RHBDL1: variants seen among roughly 807,000 people sequenced by gnomAD.
RHBDL1 encodes the protein rhomboid like 1, also known as rhomboid-related protein 1.
A neutral mutation model predicts 34.0 loss-of-function variants in RHBDL1; 21 were observed. The ratio of observed to expected loss-of-function variants is 0.62; its 90% confidence interval spans 0.44 to 0.89. The LOEUF (loss-of-function observed/expected upper bound fraction) is 0.89, where lower values mean the gene tolerates loss of function less well. Ranked by LOEUF, RHBDL1 falls within the 40% of genes least tolerant of loss-of-function variation. The probability of loss-of-function intolerance (pLI) is 0.00; values close to 1 mark genes in which losing one functional copy is unlikely to be tolerated. For synonymous variants in RHBDL1, 268 were observed against 234.8 expected (o/e 1.14, Z -1.29); for missense variants, 450 against 530.6 (o/e 0.85, Z 1.49).
At position 677,579 on chromosome 16, in the gene RHBDL1, G is replaced by C. The variant is rs773980193; in HGVS notation, c.789+20G>C. ...GTCATGGTAACGGGCCTGCCCGGTG[G>C]GGGGCGTGGGGAGGGGCCCCAGGTG... On this transcript the variant is annotated intron_variant, in intron 6 of 7. Coordinates refer to ENST00000352681, the MANE Select transcript of RHBDL1 (RefSeq NM_001278720.2). 6.2e-7 allele frequency: 1 copy of C among 1,607,542 alleles called. No individual in the cohort carries two copies. Among genetic ancestry groups the C allele is most frequent in the African/African-American group, 1.3e-5 (1 of 74,854 alleles).
chr16:677,839 G>C lies in RHBDL1; in HGVS notation c.909G>C (p.Ser303=), dbSNP rs776299686. ...GCTTCTCCCCGCCGCTGCCCGCCTC[G>C]GGCCCACAGCCCAGCTTCATGGCGC... The part of the protein sequence containing the change: ...WLRFSPPLPA[S]GPQPSFMAHL... Residue 303 remains serine (S), a synonymous_variant, in exon 8 of 8, where the codon TCG becomes TCC. Transcript: ENST00000352681. 2 of 1,587,122 alleles carry C rather than the reference G, an allele frequency of 1.3e-6. No homozygotes were observed. The highest frequency in any genetic ancestry group is 1.7e-6 in the Non-Finnish European group (2 of 1,172,230).
chr16:676,006 T>C lies in RHBDL1; in HGVS notation c.39+177T>C, dbSNP rs2039528968. The C allele has an allele frequency of 1.5e-6, 2 of 1,308,230 alleles. No homozygotes were observed. Among genetic ancestry groups the C allele is most frequent in the East Asian group, 3.5e-5 (1 of 28,328 alleles). The allele number at this position is 1,308,230 out of a possible 1,614,324, so 81.0% of individuals were successfully genotyped here. On this transcript the variant is annotated intron_variant, in intron 1 of 7. Coordinates refer to ENST00000352681, the MANE Select transcript of RHBDL1 (RefSeq NM_001278720.2). The surrounding 1 kb of genome is among the most constrained non-coding windows in gnomAD (Gnocchi z 6.9). The stretch of plus-strand genomic sequence containing the variant: ...AGGAGAGGACTGACTGGACCAGAGC[T>C]CCTGGCTGGAGAAGGGAGAGTCGGG...
Position 677,295 on chromosome 16 carries a change from A to T in RHBDL1, c.595A>T (p.Asn199Tyr). The stretch of plus-strand genomic sequence containing the variant: ...GGCCAGGCTGGAGCAGCTGGGGTTC[A>T]ACGCCCTCCTGCAGCTGATGATCGG... ...MHVGLEQLGF[N>Y]ALLQLMIGVP... The change falls in exon 5 of 8, where the codon AAC becomes TAC. Residue 199 changes from asparagine (N) to tyrosine (Y), a missense_variant. Transcript: ENST00000352681. The T allele has an allele frequency of 1.3e-6, 2 of 1,568,232 alleles. No homozygotes were observed. The highest frequency in any genetic ancestry group is 1.7e-6 in the Non-Finnish European group (2 of 1,157,354).
chr16:677,999 T>G lies in RHBDL1; in HGVS notation c.1069T>G (p.Trp357Gly). ...CACCTTCCTGCTCTTCGCCGTCTTC[T>G]GGAACGTCTTCGCCTACGACCTGCT... is the stretch of plus-strand genomic sequence containing the variant. Reference protein sequence around the residue: ...YGTFLLFAVFWNVFAYDLLGA... With the variant: ...YGTFLLFAVFGNVFAYDLLGA... The change falls in exon 8 of 8, where the codon TGG (tryptophan) becomes GGG (glycine). Residue 357 changes from tryptophan (W) to glycine (G), a missense_variant. Coordinates refer to ENST00000352681, the MANE Select transcript of RHBDL1 (RefSeq NM_001278720.2). 6.3e-7 allele frequency: 1 copy of G among 1,598,022 alleles called. No individual in the cohort carries two copies. Among genetic ancestry groups the G allele is most frequent in the Non-Finnish European group, 8.5e-7 (1 of 1,178,216 alleles).
rs200103024 is a variant in RHBDL1 at position 676,347 on chromosome 16, C to T, written c.51C>T (p.Pro17=). The T allele has an allele frequency of 5.8e-5, 94 of 1,610,398 alleles. No individual in the cohort carries two copies. The African/African-American group carries it at 7.7e-4, about 13-fold the overall frequency. ...LQLIQEQQLD[P]ENTGFIGADT... is the part of the protein sequence containing the mutation. The stretch of plus-strand genomic sequence containing the variant: ...GCTCCTCACTGCAGCAGCTGGACCC[C>T]GAGAACACAGGCTTCATCGGTGCGG... Residue 17 remains proline (P), a synonymous_variant, in exon 2 of 8, where the codon CCC becomes CCT. Coordinates refer to ENST00000352681, the MANE Select transcript of RHBDL1 (RefSeq NM_001278720.2). This position sits in a 1 kb window ranked among gnomAD's most constrained non-coding sequence, Gnocchi z 6.9.
At chr16:677,192 G>C in intron 4 of RHBDL1, 73 bp downstream of exon 4, 3 of 1,575,760 alleles carry the variant, frequency 1.9e-6, no homozygotes, top group Non-Finnish European at 2.6e-6. Flanking sequence ...CCGCAAGGCA[G>C]GTGCGGCAAC....
chr16:677,409 C>CGCCCCCT, intron 5 of RHBDL1, 21 bp downstream of exon 5: 1 of 1,569,970 alleles, frequency 6.4e-7, no homozygotes, highest in South Asian at 1.2e-5. Context: ...CGCGCACCCC[C>CGCCCCCT]GCCCCCTGCC....
rs540907306 is a variant in RHBDL1, at chr16:677,409, C to T, written c.688+21C>T. ...GGCAGGTGAGGCAGGCGCGCACCCC[C>T]GCCCCCTGCCCTGGCCGGCTGCACC... On this transcript the variant is annotated intron_variant, in intron 5 of 7. Transcript: ENST00000352681. 1.9e-4 allele frequency: 296 copies of T among 1,569,970 alleles called. 1 individual carries two copies. In the South Asian group the frequency reaches 2.5e-3, roughly 13 times the overall value.
rs538821730 is a variant in RHBDL1 at position 678,236 on chromosome 16, T to G, written c.*184T>G. ...ACTCCCAGGACTTGCGGTCTGAGCC[T>G]TTTTGGATAATTAATAAATATTTTA... is the stretch of plus-strand genomic sequence containing the variant. On this transcript the variant is annotated 3_prime_UTR_variant, in exon 8 of 8. Coordinates refer to ENST00000352681, the MANE Select transcript of RHBDL1 (RefSeq NM_001278720.2). 9.6e-4 allele frequency: 1,307 copies of G among 1,359,788 alleles called. 2 individuals carry two copies. The highest frequency in any genetic ancestry group is 1.2e-3 in the Non-Finnish European group (1,260 of 1,061,414). The allele number at this position is 1,359,788 out of a possible 1,614,324, so 84.2% of individuals were successfully genotyped here.
At position 678,111 on chromosome 16, in the gene RHBDL1, G is replaced by C; in HGVS notation, c.*59G>C. On this transcript the variant is annotated 3_prime_UTR_variant, in exon 8 of 8. Transcript: ENST00000352681. ...GGCATGTGGTGGCCGCCCACCAGGG[G>C]CCTTCACGTCTGCCCTTTGTGAACG... 1 of 1,479,892 alleles carries C rather than the reference G, an allele frequency of 6.8e-7. No homozygotes were observed. The highest frequency in any genetic ancestry group is 8.9e-7 in the Non-Finnish European group (1 of 1,122,322). The allele number at this position is 1,479,892 out of a possible 1,614,324, so 91.7% of individuals were successfully genotyped here.
chr16:676,260 C>A lies in RHBDL1; in HGVS notation c.40-76C>A. 6.4e-7 allele frequency: 1 copy of A among 1,566,536 alleles called. No homozygotes were observed. Among genetic ancestry groups the A allele is most frequent in the East Asian group, 2.4e-5 (1 of 42,186 alleles). ...GCTGGGAGCCTGAGCCTGATGCTCC[C>A]AGCCAGCCTGGCCCAGCCCTTTGGT... On this transcript the variant is annotated intron_variant, in intron 1 of 7. Transcript: ENST00000352681. The surrounding 1 kb of genome is among the most constrained non-coding windows in gnomAD (Gnocchi z 6.9).
chr16:676,164 T>A lies in RHBDL1; in HGVS notation c.40-172T>A, dbSNP rs375650955. The stretch of plus-strand genomic sequence containing the variant: ...TGGAGGACTGGGACCCAGGCACCAG[T>A]GCCCTGCCAGCTCCTGGGATCAAGC... On this transcript the variant is annotated intron_variant, in intron 1 of 7. Coordinates refer to ENST00000352681, the MANE Select transcript of RHBDL1 (RefSeq NM_001278720.2). The surrounding 1 kb of genome is among the most constrained non-coding windows in gnomAD (Gnocchi z 6.9). 12 of 1,482,636 alleles carry A rather than the reference T, an allele frequency of 8.1e-6. No homozygotes were observed. Among genetic ancestry groups the A allele is most frequent in the Non-Finnish European group, 1.1e-5 (12 of 1,113,028 alleles). The allele number at this position is 1,482,636 out of a possible 1,614,324, so 91.8% of individuals were successfully genotyped here.
Position 678,194 on chromosome 16 carries a change from C to T in RHBDL1, c.*142C>T, listed in dbSNP as rs2039587848. The T allele has an allele frequency of 7.2e-7, 1 of 1,388,076 alleles. No homozygotes were observed. Among genetic ancestry groups the T allele is most frequent in the Non-Finnish European group, 9.3e-7 (1 of 1,077,458 alleles). The allele number at this position is 1,388,076 out of a possible 1,614,324, so 86.0% of individuals were successfully genotyped here. A position where few individuals can be genotyped will look rare whatever the true frequency, so the allele number is the denominator to read the frequency against. On this transcript the variant is annotated 3_prime_UTR_variant, in exon 8 of 8. Transcript: ENST00000352681. ...GGGTGGCCTCAAAGGAGGCCCTGTC[C>T]CAGCCACCCACCCCCCACTCCCAGG...
chr16:676,552 G>T lies in RHBDL1; in HGVS notation c.201+55G>T, dbSNP rs978042773. The T allele has an allele frequency of 6.4e-7, 1 of 1,568,984 alleles. No homozygotes were observed. The highest frequency in any genetic ancestry group is 1.1e-5 in the South Asian group (1 of 87,320). ...GCACGGTGTCCTGGCCAGAGGAGGC[G>T]GGCAGGCAGCTCCTCACGGCGGTGG... On this transcript the variant is annotated intron_variant, in intron 2 of 7. Transcript: ENST00000352681. The surrounding 1 kb of genome is among the most constrained non-coding windows in gnomAD (Gnocchi z 6.9).
At position 676,007 on chromosome 16, in the gene RHBDL1, C is replaced by T; in HGVS notation, c.39+178C>T. 7.7e-7 allele frequency: 1 copy of T among 1,295,188 alleles called. No individual in the cohort carries two copies. The highest frequency in any genetic ancestry group is 1.0e-6 in the Non-Finnish European group (1 of 1,001,578). 80.2% of individuals were successfully genotyped at this position (1,295,188 alleles called of 1,614,324 possible). On this transcript the variant is annotated intron_variant, in intron 1 of 7. Coordinates refer to ENST00000352681, the MANE Select transcript of RHBDL1 (RefSeq NM_001278720.2). This position sits in a 1 kb window ranked among gnomAD's most constrained non-coding sequence, Gnocchi z 6.9. ...GGAGAGGACTGACTGGACCAGAGCT[C>T]CTGGCTGGAGAAGGGAGAGTCGGGG... is the stretch of plus-strand genomic sequence containing the variant.
Position 676,015 on chromosome 16 carries a change from G to C in RHBDL1, c.39+186G>C, listed in dbSNP as rs1207632269. 5.2e-5 allele frequency: 73 copies of C among 1,405,972 alleles called. No individual in the cohort carries two copies. The highest frequency in any genetic ancestry group is 6.7e-5 in the Non-Finnish European group (72 of 1,071,152). The allele number at this position is 1,405,972 out of a possible 1,614,324, so 87.1% of individuals were successfully genotyped here. A position where few individuals can be genotyped will look rare whatever the true frequency, so the allele number is the denominator to read the frequency against. ...CTGACTGGACCAGAGCTCCTGGCTG[G>C]AGAAGGGAGAGTCGGGGGGAGGGAG... On this transcript the variant is annotated intron_variant, in intron 1 of 7. Coordinates refer to ENST00000352681, the MANE Select transcript of RHBDL1 (RefSeq NM_001278720.2). This position sits in a 1 kb window ranked among gnomAD's most constrained non-coding sequence, Gnocchi z 6.9.
At position 675,753 on chromosome 16, in the gene RHBDL1, G is replaced by T; in HGVS notation, c.-38G>T. 2 of 1,406,152 alleles carry T rather than the reference G, an allele frequency of 1.4e-6. No individual in the cohort carries two copies. Among genetic ancestry groups the T allele is most frequent in the South Asian group, 1.4e-5 (1 of 71,758 alleles). 87.1% of individuals were successfully genotyped at this position (1,406,152 alleles called of 1,614,324 possible). On this transcript the variant is annotated 5_prime_UTR_variant, in exon 1 of 8. Transcript: ENST00000352681. ...CCGCAGAGCAGCCCCTCCCGGCCGC[G>T]GCCGCCGACCCCGGACCCCGGCCCC... is the stretch of plus-strand genomic sequence containing the variant.
In RHBDL1 at chr16:676,706, C is replaced by T. The variant is rs146436156; in HGVS notation, c.236C>T (p.Ala79Val). 6.2e-7 allele frequency: 1 copy of T among 1,612,310 alleles called. No individual in the cohort carries two copies. The highest frequency in any genetic ancestry group is 8.5e-7 in the Non-Finnish European group (1 of 1,179,884). The change falls in exon 3 of 8, where the codon GCC becomes GTC. Residue 79 changes from alanine to valine, a missense_variant. Coordinates refer to ENST00000352681, the MANE Select transcript of RHBDL1 (RefSeq NM_001278720.2). This position sits in a 1 kb window ranked among gnomAD's most constrained non-coding sequence, Gnocchi z 6.9. Reference sequence around the variant, plus strand: ...AAGCGCTCCAGCAGTTTCAAGCGGGCCATTGCTAACGGACAGCGGGCACTG... The same window carrying T: ...AAGCGCTCCAGCAGTTTCAAGCGGGTCATTGCTAACGGACAGCGGGCACTG... ...SSKRSSSFKR[A>V]IANGQRALPR...
At position 677,965 on chromosome 16, in the gene RHBDL1, G is replaced by C; in HGVS notation, c.1035G>C (p.Leu345=). 6.2e-7 allele frequency: 1 copy of C among 1,602,800 alleles called. No individual in the cohort carries two copies. The highest frequency in any genetic ancestry group is 2.2e-5 in the East Asian group (1 of 44,820). The change falls in exon 8 of 8, where the codon CTG becomes CTC. Residue 345 remains leucine, a synonymous_variant. Transcript: ENST00000352681. ...RDQCGWWVVL[L]AYGTFLLFAV... Reference sequence around the variant, plus strand: ...AGTGCGGCTGGTGGGTGGTGCTGCTGGCCTACGGCACCTTCCTGCTCTTCG... The same window carrying C: ...AGTGCGGCTGGTGGGTGGTGCTGCTCGCCTACGGCACCTTCCTGCTCTTCG...
Sources: gnomAD v4.1 joint callset for allele counts on GRCh38, gnomAD v4.1.1 for gene constraint, Gnocchi (gnomAD v3.1) non-coding constraint, MANE v1.5 for transcripts, NCBI Gene and HGNC (gene_info 2026-07-23, HGNC 2026-07-21) for gene names.